NRXN1: variants seen among roughly 807,000 people sequenced by gnomAD.
NRXN1 encodes neurexin-1.
In NRXN1, 39 loss-of-function variants were observed where a neutral mutation model predicts 150.9. That is an observed-to-expected ratio of 0.26 (90% CI 0.20 to 0.34). NRXN1 has a LOEUF of 0.34. NRXN1 is among the 10% of genes least tolerant of loss of function. The pLI is 1.00. For synonymous variants in NRXN1, 924 were observed against 757.0 expected (o/e 1.22, Z -3.62); for missense variants, 1,815 against 1,949.9 (o/e 0.93, Z 1.30).
chr2:50,346,581 C>A lies in NRXN1; in HGVS notation c.3365-109611G>T. The A allele has an allele frequency of 8.6e-7, 1 of 1,164,898 alleles. No homozygotes were observed. Among genetic ancestry groups the A allele is most frequent in the East Asian group, 2.5e-5 (1 of 40,332 alleles). 72.2% of individuals were successfully genotyped at this position (1,164,898 alleles called of 1,614,324 possible). A position where few individuals can be genotyped will look rare whatever the true frequency, so the allele number is the denominator to read the frequency against. On this transcript the variant is annotated intron_variant, in intron 17 of 22. Transcript: ENST00000401669. The surrounding 1 kb of genome is among the most constrained non-coding windows in gnomAD (Gnocchi z 5.0). ...CACCAAGCACACCCAAATGCACCTC[C>A]CTTTTGTCGAGCTCCCATTTCTCTG...
At chr2:50,131,731 A>G (rs1054993575) in intron 18 of NRXN1, among the ~76,000 whole-genome samples, 2 of 152,174 alleles carry the variant, frequency 1.3e-5, no homozygotes, top group Non-Finnish European at 2.9e-5. Flanking sequence ...TAAAGGCTAG[A>G]GAGAGAAAAT....
At chr2:50,176,578 C>T (rs900566127) in intron 18 of NRXN1, among the ~76,000 whole-genome samples, 1 of 152,068 alleles carries the variant, frequency 6.6e-6, no homozygotes, top group Non-Finnish European at 1.5e-5. Context: ...TGAAAACTAT[C>T]TAGGCCAAAA....
intron 17 of NRXN1, among the ~76,000 whole-genome samples, chr2:50,317,887 A>G (rs1187119205): frequency 6.6e-6 from 1 of 152,064 alleles, no homozygotes; most frequent in Non-Finnish European, 1.5e-5. Flanking sequence ...AGATGTTGTA[A>G]CCTCAGCTAT....
intron 17 of NRXN1, among the ~76,000 whole-genome samples, chr2:50,450,928 C>A (rs1277125863): frequency 1.6e-4 from 25 of 152,144 alleles, no homozygotes; most frequent in Admixed American, 6.5e-5. Context: ...CACTCCGAAA[C>A]AATTGACTAG....
In NRXN1 at chr2:50,623,641, A is replaced by G. The variant is rs370497222; in HGVS notation, c.833-26T>C. On this transcript the variant is annotated intron_variant, in intron 5 of 22. Coordinates refer to ENST00000401669, the MANE Select transcript of NRXN1 (RefSeq NM_001330078.2). Reference sequence around the variant, plus strand: ...CTAGAGGAAAACAGATGATACATACATAAGTAAACAAATACACTATGCAAA... The same window carrying G: ...CTAGAGGAAAACAGATGATACATACGTAAGTAAACAAATACACTATGCAAA... 2.0e-5 allele frequency: 31 copies of G among 1,543,578 alleles called. No homozygotes were observed. The Admixed American group carries it at 2.6e-4, about 13-fold the overall frequency.
At chr2:50,894,055 C>G (rs111318042) in intron 5 of NRXN1, among the ~76,000 whole-genome samples, 1 of 151,112 alleles carries the variant, frequency 6.6e-6, no homozygotes, top group African/African-American at 2.4e-5. Context: ...TAATGCCACA[C>G]AGGAAGGGGA....
chr2:50,029,491 C>G (rs1312603673), intron 21 of NRXN1, among the ~76,000 whole-genome samples: 4 of 152,046 alleles, frequency 2.6e-5, no homozygotes. Flanking sequence ...GGATCCTAAT[C>G]CAACAGGACT....
chr2:50,931,976 C>T (rs1000151325), intron 2 of NRXN1, among the ~76,000 whole-genome samples: 3 of 151,950 alleles, frequency 2.0e-5, no homozygotes, highest in Non-Finnish European at 4.4e-5. Context: ...ATTCTCCTGC[C>T]TCAGCCTCCC....
intron 21 of NRXN1, among the ~76,000 whole-genome samples, chr2:49,955,701 T>G (rs1233788056): frequency 6.6e-6 from 1 of 152,066 alleles, no homozygotes; most frequent in South Asian, 2.1e-4. Flanking sequence ...ATGCTTTTAC[T>G]TAGTTGCAAA....
chr2:50,198,296 TC>T (rs1453613192), intron 18 of NRXN1, among the ~76,000 whole-genome samples: 1 of 152,158 alleles, frequency 6.6e-6, no homozygotes, highest in East Asian at 1.9e-4. Flanking sequence ...ATTTAATAGT[TC>T]ACTCATTTCA....
At chr2:50,988,019 T>G (rs111896539) in intron 2 of NRXN1, among the ~76,000 whole-genome samples, 2 of 152,020 alleles carry the variant, frequency 1.3e-5, no homozygotes, top group African/African-American at 4.8e-5. Context: ...TAAATCCGGA[T>G]AGCTGCTATT....
intron 5 of NRXN1, among the ~76,000 whole-genome samples, chr2:50,861,148 T>C (rs570035349): frequency 5.5e-4 from 84 of 152,162 alleles, no homozygotes; most frequent in African/African-American, 1.9e-3. Context: ...CTATGAGATA[T>C]CATCTTGTGT....
At position 50,347,742 on chromosome 2, in the gene NRXN1, G is replaced by T. The variant is rs2078142521; in HGVS notation, c.3365-110772C>A. ...AGGGAGAGAAACAGAAAAAGAAAAA[G>T]AAAAAGAAAAAAAGAAAAGAAAAAC... is the stretch of plus-strand genomic sequence containing the variant. On this transcript the variant is annotated intron_variant, in intron 17 of 22. Transcript: ENST00000401669. The surrounding 1 kb of genome is among the most constrained non-coding windows in gnomAD (Gnocchi z 4.9). 2.0e-6 allele frequency: 2 copies of T among 986,220 alleles called. No homozygotes were observed. Among genetic ancestry groups the T allele is most frequent in the Non-Finnish European group, 2.4e-6 (2 of 830,610 alleles). 61.1% of individuals were successfully genotyped at this position (986,220 alleles called of 1,614,324 possible).
chr2:50,900,861 TGGA>T (rs1682839277), intron 5 of NRXN1, among the ~76,000 whole-genome samples: 1 of 152,156 alleles, frequency 6.6e-6, no homozygotes, highest in East Asian at 1.9e-4. Context: ...CTGAGCTCAC[TGGA>T]GGTAGAAAGG....
intron 5 of NRXN1, among the ~76,000 whole-genome samples, chr2:50,876,866 T>C (rs1223587110): frequency 1.3e-5 from 2 of 151,820 alleles, no homozygotes; most frequent in East Asian, 3.9e-4. Context: ...AGGGGGTACA[T>C]ATGGGAGACA....
intron 5 of NRXN1, among the ~76,000 whole-genome samples, chr2:50,741,436 C>A (rs1217137297): frequency 6.6e-6 from 1 of 152,140 alleles, no homozygotes; most frequent in African/African-American, 2.4e-5. Context: ...GCTCCTAATA[C>A]AAGAAAAGAA....
chr2:50,582,478 C>CAA (rs56941425), intron 8 of NRXN1, among the ~76,000 whole-genome samples: 1,030 of 44,214 alleles, frequency 0.023, 121 homozygotes, highest in African/African-American at 0.06. Context: ...GACTCGTCTC[C>CAA]AAAAAAAAAA....
chr2:50,109,721 T>G (rs2152723129), intron 18 of NRXN1, among the ~76,000 whole-genome samples: 1 of 152,288 alleles, frequency 6.6e-6, no homozygotes, highest in South Asian at 2.1e-4. Context: ...ACAGCTGATG[T>G]TTTCCTTCAA....
intron 5 of NRXN1, among the ~76,000 whole-genome samples, chr2:50,640,193 A>G (rs1447971888): frequency 6.6e-6 from 1 of 152,124 alleles, no homozygotes; most frequent in Non-Finnish European, 1.5e-5. Context: ...TTATCACCAT[A>G]AGACTTGGGC....
Sources: allele counts gnomAD v4.1 joint callset (sites outside exome capture counted in the v4.1 genomes callset), GRCh38; gene constraint gnomAD v4.1.1; non-coding constraint Gnocchi (gnomAD v3.1); transcripts MANE v1.5; gene names NCBI Gene and HGNC (gene_info 2026-07-23, HGNC 2026-07-21).